Variants in ADGRL3 observed in about 807,000 individuals in gnomAD.
ADGRL3 encodes adhesion G protein-coupled receptor L3.
ADGRL3 carries 62 observed loss-of-function variants against 153.5 expected under a neutral mutation model. That is an observed-to-expected ratio of 0.40 (90% confidence interval 0.33 to 0.50). The LOEUF (loss-of-function observed/expected upper bound fraction) is 0.50, where lower values mean the gene tolerates loss of function less well. Ranked by LOEUF, ADGRL3 falls within the 20% of genes least tolerant of loss-of-function variation. The pLI, the probability that ADGRL3 is intolerant of heterozygous loss-of-function variation, is 0.47. For missense variants in ADGRL3, 1,641 were observed against 1,859.4 expected, an observed-to-expected ratio of 0.88 and a Z score of 2.16; for synonymous variants, 710 against 672.5, an observed-to-expected ratio of 1.06 and a Z score of -0.86.
intron 13 of ADGRL3, among the ~76,000 whole-genome samples, chr4:61,924,302 C>G (rs559161935): frequency 1.1e-4 from 16 of 152,134 alleles, no homozygotes; most frequent in Admixed American, 2.6e-4. Context: ...CTCTTCTCCT[C>G]AAACCCTTAA....
In ADGRL3 at chr4:61,432,596, T is replaced by C. The variant is rs1186786174; in HGVS notation, c.-174+49407T>C. Among the ~76,000 whole-genome samples the C allele has an allele frequency of 1.3e-3, 30 of 23,574 alleles. 3 individuals are homozygous for C. The highest frequency in any genetic ancestry group is 2.1e-3 in the Non-Finnish European group (21 of 10,114). 15.5% of individuals were successfully genotyped at this position (23,574 alleles called of 152,430 possible). ...TTCCTTTCTTTCTTTCTTTCTTTCT[T>C]TCTTTCTTTCTTTCTTTCTTTCTTT... On this transcript the variant is annotated intron_variant, in intron 2 of 26. Coordinates refer to ENST00000683033, the MANE Select transcript of ADGRL3 (RefSeq NM_001387552.1).
chr4:62,000,809 T>G (rs1316462370), intron 21 of ADGRL3, among the ~76,000 whole-genome samples: 1 of 151,660 alleles, frequency 6.6e-6, no homozygotes, highest in Non-Finnish European at 1.5e-5. Flanking sequence ...AGAGGTAGAG[T>G]CTTGCTCTGT....
At chr4:61,791,340 T>C (rs2097339287) in intron 8 of ADGRL3, among the ~76,000 whole-genome samples, 2 of 152,116 alleles carry the variant, frequency 1.3e-5, no homozygotes, top group Non-Finnish European at 2.9e-5. Context: ...CCCATGCAAG[T>C]CCAAAATCCA....
chr4:61,925,293 C>T (rs2098789593), intron 13 of ADGRL3, among the ~76,000 whole-genome samples: 1 of 152,156 alleles, frequency 6.6e-6, no homozygotes, highest in Non-Finnish European at 1.5e-5. Flanking sequence ...GTCAACTATT[C>T]TTACTTCATT....
chr4:61,878,536 A>G (rs1192820060), intron 9 of ADGRL3, among the ~76,000 whole-genome samples: 4 of 152,236 alleles, frequency 2.6e-5, no homozygotes, highest in African/African-American at 9.6e-5. Context: ...CTATTGTAGT[A>G]GAACAGACAT....
intron 2 of ADGRL3, among the ~76,000 whole-genome samples, chr4:61,433,812 A>G (rs1429013294): frequency 6.6e-6 from 1 of 152,182 alleles, no homozygotes; most frequent in Non-Finnish European, 1.5e-5. Context: ...CATTTCACAA[A>G]TATTTTTTTA....
At chr4:61,601,267 G>C (rs1184149210) in intron 5 of ADGRL3, among the ~76,000 whole-genome samples, 1 of 152,056 alleles carries the variant, frequency 6.6e-6, no homozygotes, top group Non-Finnish European at 1.5e-5. Context: ...ATCACACAGG[G>C]AACACCCATT....
intron 21 of ADGRL3, among the ~76,000 whole-genome samples, chr4:62,002,812 T>C (rs185715642): frequency 1.3e-5 from 2 of 152,252 alleles, no homozygotes; most frequent in Admixed American, 1.3e-4. Context: ...ACAATAATCA[T>C]AGCAAAACTC....
intron 11 of ADGRL3, among the ~76,000 whole-genome samples, chr4:61,907,734 T>A (rs556747073): frequency 1.3e-5 from 2 of 152,242 alleles, no homozygotes; most frequent in African/African-American, 2.4e-5. Context: ...TCTTAATTGC[T>A]ATATTTTGCA....
At position 62,059,626 on chromosome 4, in the gene ADGRL3, A is replaced by G. The variant is rs527400670; in HGVS notation, c.3815-8540A>G. 6.8e-4 allele frequency among the ~76,000 whole-genome samples: 104 copies of G among 152,244 alleles called. 1 individual carries two copies. The highest frequency in any genetic ancestry group is 1.3e-3 in the Non-Finnish European group (91 of 68,006). On this transcript the variant is annotated intron_variant, in intron 25 of 26. Transcript: ENST00000683033. ...TATGGTTTCAGTGTAACCAGCAAAT[A>G]GATCTCCAATTATGACTGCATGACA...
At chr4:61,571,419 GA>G (rs1560862019) in intron 4 of ADGRL3, among the ~76,000 whole-genome samples, 1 of 152,060 alleles carries the variant, frequency 6.6e-6, no homozygotes, top group Non-Finnish European at 1.5e-5. Context: ...AGGCTGAGAC[GA>G]GAGGATCGCT....
intron 1 of ADGRL3, among the ~76,000 whole-genome samples, chr4:61,254,961 T>G (rs2091818132): frequency 6.6e-6 from 1 of 152,124 alleles, no homozygotes; most frequent in Non-Finnish European, 1.5e-5. Context: ...GTCTTTTAAT[T>G]TTTTTTCAAG....
intron 5 of ADGRL3, among the ~76,000 whole-genome samples, chr4:61,599,148 C>A (rs547915124): frequency 6.6e-6 from 1 of 152,244 alleles, no homozygotes; most frequent in Admixed American, 6.5e-5. Context: ...GTATGGACAG[C>A]CATGTAGAAA....
At chr4:62,006,009 T>C (rs367789848) in intron 21 of ADGRL3, among the ~76,000 whole-genome samples, 219 of 65,558 alleles carry the variant, frequency 3.3e-3, no homozygotes, top group African/African-American at 7.3e-3. Context: ...CACACATATA[T>C]ATATATATAT....
At chr4:61,683,953 T>C (rs969119089) in intron 6 of ADGRL3, among the ~76,000 whole-genome samples, 1 of 152,072 alleles carries the variant, frequency 6.6e-6, no homozygotes, top group East Asian at 1.9e-4. Context: ...AAAATATGAA[T>C]AGACTTTCCT....
At chr4:62,066,971 ATC>A (rs1743296122) in intron 25 of ADGRL3, among the ~76,000 whole-genome samples, 1 of 152,194 alleles carries the variant, frequency 6.6e-6, no homozygotes, top group East Asian at 1.9e-4. Flanking sequence ...AATTTCAATG[ATC>A]TCTCATGTGC....
intron 8 of ADGRL3, among the ~76,000 whole-genome samples, chr4:61,761,068 T>G (rs188952998): frequency 1.1e-3 from 168 of 152,284 alleles, no homozygotes; most frequent in African/African-American, 3.9e-3. Flanking sequence ...CAAGATCAAA[T>G]GAGCCACTTT....
rs191902515 is a variant in ADGRL3 at position 61,347,935 on chromosome 4, C to A, written c.-239-35189C>A. 2.6e-5 allele frequency among the ~76,000 whole-genome samples: 4 copies of A among 152,090 alleles called. No homozygotes were observed. In the East Asian group the frequency reaches 7.7e-4, roughly 29 times the overall value. On this transcript the variant is annotated intron_variant, in intron 1 of 26. Transcript: ENST00000683033. ...TATTCACATTTTTTTCTTCTCATTT[C>A]TTAAAACAGACTCTCTTAGTGAATG...
chr4:61,251,951 T>C (rs1759466596), intron 1 of ADGRL3, among the ~76,000 whole-genome samples: 1 of 151,716 alleles, frequency 6.6e-6, no homozygotes. Flanking sequence ...TGGCCTGATC[T>C]CAGCTCACTG....
Sources: gnomAD v4.1 joint callset for allele counts (sites outside exome capture counted in the v4.1 genomes callset) on GRCh38, gnomAD v4.1.1 for gene constraint, MANE v1.5 for transcripts, NCBI Gene and HGNC (gene_info 2026-07-23, HGNC 2026-07-21) for gene names.